MYT1L: variants seen among roughly 807,000 people sequenced by gnomAD.
The protein encoded by MYT1L is myelin transcription factor 1 like, also known as myelin transcription factor 1-like protein.
Under a neutral mutation model 126.7 loss-of-function variants are expected in MYT1L, and 12 were observed. The ratio of observed to expected loss-of-function variants is 0.09; its 90% CI spans 0.06 to 0.15. The LOEUF is 0.15. Among genes scored for constraint, MYT1L ranks in the 10% least tolerant of loss-of-function variants. MYT1L has a pLI of 1.00. For missense variants in MYT1L, 979 were observed against 1,585.2 expected (o/e 0.62, Z 6.49); for synonymous variants, 541 against 604.2 (o/e 0.90, Z 1.53).
At chr2:2,032,840 G>C (rs2066504803) in intron 4 of MYT1L, among the ~76,000 whole-genome samples, 1 of 134,056 alleles carries the variant, frequency 7.5e-6, no homozygotes, top group Admixed American at 7.9e-5. Flanking sequence ...GCCCAGAGCA[G>C]ATTCTAGAAG....
intron 3 of MYT1L, among the ~76,000 whole-genome samples, chr2:2,135,299 G>A (rs1231924817): frequency 6.6e-6 from 1 of 152,084 alleles, no homozygotes; most frequent in African/African-American, 2.4e-5. Flanking sequence ...TTATAAAGGG[G>A]ATTTTCCCTG....
intron 4 of MYT1L, among the ~76,000 whole-genome samples, chr2:2,013,285 G>A (rs902984193): frequency 6.6e-6 from 1 of 152,114 alleles, no homozygotes; most frequent in African/African-American, 2.4e-5. Context: ...TGGACTCAGG[G>A]GCCAGGCTTC....
At chr2:2,109,273 C>T (rs1337465223) in intron 3 of MYT1L, among the ~76,000 whole-genome samples, 2 of 152,198 alleles carry the variant, frequency 1.3e-5, no homozygotes, top group African/African-American at 4.8e-5. Context: ...GGCAGTGTGT[C>T]CCAGGAGTAG....
At chr2:1,945,772 AT>A (rs2057155268) in intron 8 of MYT1L, among the ~76,000 whole-genome samples, 1 of 152,110 alleles carries the variant, frequency 6.6e-6, no homozygotes, top group African/African-American at 2.4e-5. Context: ...AACTTTTGCT[AT>A]TTTTTATTTT....
At chr2:2,300,847 A>G (rs1016618003) in intron 1 of MYT1L, among the ~76,000 whole-genome samples, 7 of 152,142 alleles carry the variant, frequency 4.6e-5, no homozygotes, top group African/African-American at 1.7e-4. Flanking sequence ...CAGAGCAGAG[A>G]TCAAGAAGGC....
At chr2:1,968,493 T>C (rs2059558200) in intron 8 of MYT1L, among the ~76,000 whole-genome samples, 1 of 152,192 alleles carries the variant, frequency 6.6e-6, no homozygotes, top group Non-Finnish European at 1.5e-5. Flanking sequence ...TGTCAAGTAG[T>C]GCATTAGATA....
chr2:1,898,861 G>A (rs2049971458), intron 14 of MYT1L, among the ~76,000 whole-genome samples: 1 of 152,222 alleles, frequency 6.6e-6, no homozygotes, highest in Non-Finnish European at 1.5e-5. Context: ...GAGACAGAGG[G>A]CCAGGGAGGT....
chr2:2,316,542 T>C (rs1263405863), intron 1 of MYT1L, among the ~76,000 whole-genome samples: 2 of 152,192 alleles, frequency 1.3e-5, no homozygotes, highest in East Asian at 3.9e-4. Flanking sequence ...CTGGCCTACG[T>C]CCTGAGAAGT....
chr2:1,928,782 C>T (rs999069759), intron 9 of MYT1L, among the ~76,000 whole-genome samples: 7 of 152,126 alleles, frequency 4.6e-5, no homozygotes, highest in African/African-American at 1.7e-4. Context: ...CTGCCATCCA[C>T]CAGGATCCTG....
chr2:1,875,148 G>T (rs1026266378), intron 18 of MYT1L, among the ~76,000 whole-genome samples: 1 of 152,204 alleles, frequency 6.6e-6, no homozygotes, highest in Non-Finnish European at 1.5e-5. Context: ...CTACCCCAAG[G>T]CTTCTATGTT....
intron 3 of MYT1L, among the ~76,000 whole-genome samples, chr2:2,162,977 C>G (rs1385763267): frequency 1.3e-5 from 2 of 152,142 alleles, no homozygotes; most frequent in Non-Finnish European, 2.9e-5. Context: ...ACTGCCCGCA[C>G]TGATAAAAGT....
chr2:2,023,593 C>A (rs184592811), intron 4 of MYT1L, among the ~76,000 whole-genome samples: 1 of 151,830 alleles, frequency 6.6e-6, no homozygotes, highest in African/African-American at 2.4e-5. Flanking sequence ...CGGAGCAGCT[C>A]CCCTGCCCTG....
rs1325328894 is a variant in MYT1L, at chr2:1,917,968, G to C, written c.1484-629C>G. On this transcript the variant is annotated intron_variant, in intron 10 of 24. Transcript: ENST00000647738. The surrounding 1 kb of genome is among the most constrained non-coding windows in gnomAD (Gnocchi z 5.9). ...AAAGGTGGAAAGCCCACCTGACAGAGGTGACGGGTAATCAACATGTTTCAG... is the reference window on the plus strand; with the variant it reads ...AAAGGTGGAAAGCCCACCTGACAGACGTGACGGGTAATCAACATGTTTCAG... Among the ~76,000 whole-genome samples the C allele has an allele frequency of 6.6e-6, 1 of 152,164 alleles. No homozygotes were observed. Among genetic ancestry groups the C allele is most frequent in the Admixed American group, 6.5e-5 (1 of 15,286 alleles).
At chr2:2,043,818 C>A (rs971380845) in intron 4 of MYT1L, among the ~76,000 whole-genome samples, 41 of 152,290 alleles carry the variant, frequency 2.7e-4, no homozygotes, top group African/African-American at 9.4e-4. Context: ...AAAAACTTCT[C>A]AAATTGTTCA....
At chr2:1,987,237 C>T (rs867345163) in intron 5 of MYT1L, among the ~76,000 whole-genome samples, 7 of 151,986 alleles carry the variant, frequency 4.6e-5, no homozygotes, top group African/African-American at 7.2e-5. Context: ...ACTGTTCCAT[C>T]GGGTTCTTGG....
Position 1,791,836 on chromosome 2 carries a change from T to A in MYT1L, c.*31A>T. ...AGCAAAAAACAAGAGGCATCCTTTTTAAGCAAGAGTTTCATCACTACAGCA... is the reference window on the plus strand; with the variant it reads ...AGCAAAAAACAAGAGGCATCCTTTTAAAGCAAGAGTTTCATCACTACAGCA... On this transcript the variant is annotated 3_prime_UTR_variant, in exon 25 of 25. Coordinates refer to ENST00000647738, the MANE Select transcript of MYT1L (RefSeq NM_001303052.2). The surrounding 1 kb of genome is among the most constrained non-coding windows in gnomAD (Gnocchi z 6.0). The A allele has an allele frequency of 6.6e-7, 1 of 1,526,504 alleles. No individual in the cohort carries two copies. 94.6% of individuals were successfully genotyped at this position (1,526,504 alleles called of 1,614,324 possible). A position where few individuals can be genotyped will look rare whatever the true frequency, so the allele number is the denominator to read the frequency against.
intron 2 of MYT1L, among the ~76,000 whole-genome samples, chr2:2,279,760 T>C (rs978851224): frequency 1.3e-5 from 2 of 152,222 alleles, no homozygotes; most frequent in African/African-American, 2.4e-5. Context: ...TGCCATTCTA[T>C]GTTCATAAGG....
intron 8 of MYT1L, among the ~76,000 whole-genome samples, chr2:1,975,171 T>TA (rs199761448): frequency 9.4e-5 from 14 of 148,556 alleles, no homozygotes; most frequent in South Asian, 6.4e-4. Context: ...ACAATCACAC[T>TA]AAAAAAAAAA....
At chr2:2,270,918 T>C (rs566226686) in intron 2 of MYT1L, among the ~76,000 whole-genome samples, 35 of 152,238 alleles carry the variant, frequency 2.3e-4, no homozygotes, top group Non-Finnish European at 1.0e-4. Context: ...TTCATTTCTT[T>C]TCCCTTCCTG....
Sources: allele counts gnomAD v4.1 joint callset (sites outside exome capture counted in the v4.1 genomes callset), GRCh38; gene constraint gnomAD v4.1.1; non-coding constraint Gnocchi (gnomAD v3.1); transcripts MANE v1.5; gene names NCBI Gene and HGNC (gene_info 2026-07-23, HGNC 2026-07-21).